The following MST1 variants were observed in gnomAD, a reference collection of about 807,000 sequenced individuals.
The protein encoded by MST1 is hepatocyte growth factor-like protein.
A neutral mutation model predicts 100.1 loss-of-function variants in MST1; 76 were observed. The ratio of observed to expected loss-of-function variants is 0.76; its 90% CI spans 0.63 to 0.92. The LOEUF (loss-of-function observed/expected upper bound fraction) is 0.92. MST1 is among the 40% of genes least tolerant of loss of function. The pLI is 0.00. For missense variants in MST1, 850 were observed against 990.0 expected (o/e 0.86, Z 1.90); for synonymous variants, 352 against 385.4 (o/e 0.91, Z 1.01).
In MST1 at chr3:49,688,035, G is replaced by A. The variant is rs148678579; in HGVS notation, c.95-138C>T. The A allele has an allele frequency of 1.1e-3, 1,498 of 1,303,068 alleles. 17 individuals are homozygous for A. The African/African-American group carries it at 0.016, about 14-fold the overall frequency. The allele number at this position is 1,303,068 out of a possible 1,614,324, so 80.7% of individuals were successfully genotyped here. A position where few individuals can be genotyped will look rare whatever the true frequency, so the allele number is the denominator to read the frequency against. Reference sequence around the variant, plus strand: ...ATGGACCCTGTATGCACTTTCAAGGGCCAGTCTAGCCCCCTGCACAGATAC... The same window carrying A: ...ATGGACCCTGTATGCACTTTCAAGGACCAGTCTAGCCCCCTGCACAGATAC... On this transcript the variant is annotated intron_variant, in intron 1 of 17. Transcript: ENST00000449682.
chr3:49,684,968 G>A (rs1468924214), intron 14 of MST1, 44 bp downstream of exon 14: 2 of 1,613,176 alleles, frequency 1.2e-6, no homozygotes, highest in East Asian at 2.2e-5. Context: ...GGGGAAGGGG[G>A]AAGGTGGGAT....
intron 13 of MST1, 86 bp from the exon 14 acceptor site, chr3:49,685,175 A>G (rs2053602520): frequency 1.3e-6 from 2 of 1,598,470 alleles, no homozygotes; most frequent in Non-Finnish European, 1.7e-6. Context: ...CTCTGGGGGC[A>G]GGGATAGATT....
rs1389662736 is a variant in MST1, at chr3:49,684,342, C to T, written c.1988G>A (p.Gly663Glu). The change falls in exon 17 of 18, where the codon GGA becomes GAA. Residue 663 changes from glycine (G) to glutamate (E), a missense_variant. Gly to Glu is a moderately conservative substitution (Grantham distance 98, BLOSUM62 -2). Around this residue, in one of 2 missense-constraint regions of MST1, gnomAD observed 816 missense variants for 924.6 expected, o/e 0.88. Coordinates refer to ENST00000449682, the MANE Select transcript of MST1 (RefSeq NM_020998.4). ...RVRESEMCTE[G>E]LLAPVGACEG... ...ACAGGCCCCCACAGGGGCCAACAGTCCCTCAGTGCACATCTCACTCTCCCG... is the reference window on the plus strand; with the variant it reads ...ACAGGCCCCCACAGGGGCCAACAGTTCCTCAGTGCACATCTCACTCTCCCG... 3.1e-6 allele frequency: 5 copies of T among 1,613,220 alleles called. No individual in the cohort carries two copies. Among genetic ancestry groups the T allele is most frequent in the Non-Finnish European group, 4.2e-6 (5 of 1,179,860 alleles).
Position 49,685,352 on chromosome 3 carries a change from C to G in MST1, c.1454G>C (p.Arg485Thr). The part of the protein sequence containing the change: ...DQVQFEKCGK[R>T]VDRLDQRRSK... ...ACGCCGCTGATCCAGCCGATCCACC[C>G]TCTTGCCACACTTCTCAAACTGCAC... is the stretch of plus-strand genomic sequence containing the variant. Residue 485 changes from arginine to threonine, a missense_variant, in exon 13 of 18, where the codon AGG (arginine) becomes ACG (threonine). By Grantham distance (71) the Arg-to-Thr change is moderately conservative. Coordinates refer to ENST00000449682, the MANE Select transcript of MST1 (RefSeq NM_020998.4). 2 of 1,613,694 alleles carry G rather than the reference C, an allele frequency of 1.2e-6. No individual in the cohort carries two copies. The highest frequency in any genetic ancestry group is 1.1e-5 in the South Asian group (1 of 91,078).
In MST1 at chr3:49,685,615, G is replaced by A. The variant is rs371628711; in HGVS notation, c.1368C>T (p.Tyr456=). The A allele has an allele frequency of 5.1e-5, 83 of 1,613,314 alleles. No individual in the cohort carries two copies. The highest frequency in any genetic ancestry group is 6.6e-5 in the Non-Finnish European group (78 of 1,179,864). Residue 456 remains tyrosine, a synonymous_variant, in exon 11 of 18, where the codon TAC becomes TAT. Transcript: ENST00000449682. ...YTMDPRTPFD[Y]CALRRCADDQ... ...GCTCACCGCAGCGTCGCAGGGCACAGTAGTCGAATGGGGTCCTTGGGTCCA... is the reference window on the plus strand; with the variant it reads ...GCTCACCGCAGCGTCGCAGGGCACAATAGTCGAATGGGGTCCTTGGGTCCA...
intron 1 of MST1, 60 bp from the exon 2 acceptor site, chr3:49,687,957 T>C: frequency 2.6e-6 from 4 of 1,540,306 alleles, no homozygotes; most frequent in Non-Finnish European, 3.5e-6. Flanking sequence ...TAATGTGTAT[T>C]GGCATGTCCA....
rs1238008256 is a variant in MST1 at position 49,686,204 on chromosome 3, C to T, written c.1017-12G>A. 1.2e-6 allele frequency: 2 copies of T among 1,610,846 alleles called. No individual in the cohort carries two copies. Among genetic ancestry groups the T allele is most frequent in the Non-Finnish European group, 1.7e-6 (2 of 1,179,340 alleles). ...TCTCCCGAAGGTCTCTAAGCAGGCG[C>T]TCCACTCAGCCCTAGCCCGCCAGCC... is the stretch of plus-strand genomic sequence containing the variant. On this transcript the variant is annotated splice_polypyrimidine_tract_variant and intron_variant, in intron 8 of 17. Coordinates refer to ENST00000449682, the MANE Select transcript of MST1 (RefSeq NM_020998.4).
rs754473083 is a variant in MST1, at chr3:49,685,259, C to T, written c.1544+3G>A. On this transcript the variant is annotated splice_donor_region_variant and intron_variant, in intron 13 of 17. Transcript: ENST00000449682. Reference sequence around the variant, plus strand: ...CTGTGGGAGACAGGCAGTTGTGCCTCACCGATTCCGCAAGCTGACTGTCCA... The same window carrying T: ...CTGTGGGAGACAGGCAGTTGTGCCTTACCGATTCCGCAAGCTGACTGTCCA... The T allele has an allele frequency of 6.8e-6, 11 of 1,613,174 alleles. No individual in the cohort carries two copies. In the Admixed American group the frequency reaches 1.8e-4, roughly 27 times the overall value.
At position 49,686,355 on chromosome 3, in the gene MST1, A is replaced by G; in HGVS notation, c.974T>C (p.Ile325Thr). The G allele has an allele frequency of 6.9e-7, 1 of 1,459,066 alleles. No individual in the cohort carries two copies. Among genetic ancestry groups the G allele is most frequent in the Non-Finnish European group, 9.2e-7 (1 of 1,092,290 alleles). 90.4% of individuals were successfully genotyped at this position (1,459,066 alleles called of 1,614,324 possible). A position where few individuals can be genotyped will look rare whatever the true frequency, so the allele number is the denominator to read the frequency against. Residue 325 changes from isoleucine (I) to threonine (T), a missense_variant, in exon 8 of 18, where the codon ATC becomes ACC. By Grantham distance (89) the Ile-to-Thr change is moderately conservative (BLOSUM62 -1). Coordinates refer to ENST00000449682, the MANE Select transcript of MST1 (RefSeq NM_020998.4). ...TGGCGTAAATCGGTGCTGATGCGGG[A>G]TTTGCGCGTCCCAACGCTGGCAAGG... ...GVPCQRWDAQIPHQHRFTPEK... is the reference protein window; with the variant it reads ...GVPCQRWDAQTPHQHRFTPEK...
chr3:49,688,261 G>C (rs2053964567), intron 1 of MST1: 3 of 467,456 alleles, frequency 6.4e-6, no homozygotes, highest in Non-Finnish European at 1.2e-5. Flanking sequence ...AGGGGCCCTG[G>C]CTAGGCATTC....
rs146810128 is a variant in MST1 at position 49,685,642 on chromosome 3, C to T, written c.1341G>A (p.Thr447=). The T allele has an allele frequency of 2.0e-5, 33 of 1,613,288 alleles. No homozygotes were observed. Among genetic ancestry groups the T allele is most frequent in the African/African-American group, 1.2e-4 (9 of 74,918 alleles). ...AGTCGAATGGGGTCCTTGGGTCCAT[C>T]GTGTAGCACCAGGGCCCATGGCTAT... ...DGDSHGPWCY[T]MDPRTPFDYC... Residue 447 remains threonine, a synonymous_variant, in exon 11 of 18, where the codon ACG becomes ACA. Coordinates refer to ENST00000449682, the MANE Select transcript of MST1 (RefSeq NM_020998.4).
chr3:49,686,542 A>C, intron 7 of MST1, 61 bp from the exon 8 acceptor site: 1 of 1,593,914 alleles, frequency 6.3e-7, no homozygotes, highest in Non-Finnish European at 8.5e-7. Flanking sequence ...TGGGGCTGGG[A>C]CCAAACCCGC....
chr3:49,688,837 C>T lies in MST1; in HGVS notation c.-146G>A, dbSNP rs2054028498. The stretch of plus-strand genomic sequence containing the variant: ...AGGTCCCATAGGTCAGTTGCAAGGG[C>T]CTAGTACAGCTTAGTGGACAGGTGT... On this transcript the variant is annotated 5_prime_UTR_variant, in exon 1 of 18. Coordinates refer to ENST00000449682, the MANE Select transcript of MST1 (RefSeq NM_020998.4). 1 of 606,272 alleles carries T rather than the reference C, an allele frequency of 1.6e-6. No homozygotes were observed. The highest frequency in any genetic ancestry group is 2.9e-6 in the Non-Finnish European group (1 of 340,362). The allele number at this position is 606,272 out of a possible 1,614,324, so 37.6% of individuals were successfully genotyped here.
At position 49,685,597 on chromosome 3, in the gene MST1, G is replaced by A. The variant is rs746651670; in HGVS notation, c.1386C>T (p.Cys462=). Residue 462 remains cysteine, a splice_region_variant and synonymous_variant, in exon 11 of 18, where the codon TGC becomes TGT. Coordinates refer to ENST00000449682, the MANE Select transcript of MST1 (RefSeq NM_020998.4). ...GGGGGAAGCGTCACTAGTGCTCACC[G>A]CAGCGTCGCAGGGCACAGTAGTCGA... ...TPFDYCALRR[C]ADDQPPSILD... 4.3e-6 allele frequency: 7 copies of A among 1,613,364 alleles called. No homozygotes were observed. The South Asian group carries it at 4.4e-5, about 10-fold the overall frequency.
At position 49,684,027 on chromosome 3, in the gene MST1, C is replaced by A. The variant is rs2053476690; in HGVS notation, c.*1G>T. On this transcript the variant is annotated 3_prime_UTR_variant, in exon 18 of 18. Transcript: ENST00000449682. Reference sequence around the variant, plus strand: ...CAAGGCATATGGCATCAAGGCTGGGCCTAACCCAGTCTCATGACCTTGTGA... The same window carrying A: ...CAAGGCATATGGCATCAAGGCTGGGACTAACCCAGTCTCATGACCTTGTGA... 1 of 1,612,356 alleles carries A rather than the reference C, an allele frequency of 6.2e-7. No homozygotes were observed. Among genetic ancestry groups the A allele is most frequent in the Non-Finnish European group, 8.5e-7 (1 of 1,179,290 alleles).
chr3:49,684,483 G>A (rs764625105), intron 16 of MST1, 30 bp from the exon 17 acceptor site: 10 of 1,613,398 alleles, frequency 6.2e-6, no homozygotes, highest in African/African-American at 4.0e-5. Context: ...GAGAGGGAGA[G>A]GGTCCTGCAG....
rs2087731 is a variant in MST1 at position 49,686,254 on chromosome 3, T to C, written c.1016+59A>G. ...CTCCAGCCTTGAGCCCGTGACTACC[T>C]TCCTCCCGTCTCACCCGCAGCAGCA... On this transcript the variant is annotated intron_variant, in intron 8 of 17. Coordinates refer to ENST00000449682, the MANE Select transcript of MST1 (RefSeq NM_020998.4). 210 of 1,587,732 alleles carry C rather than the reference T, an allele frequency of 1.3e-4. 1 individual carries two copies. The African/African-American group carries it at 2.7e-3, about 20-fold the overall frequency.
In MST1 at chr3:49,687,306, T is replaced by A. The variant is rs1440113029; in HGVS notation, c.471-21A>T. 5 of 1,613,434 alleles carry A rather than the reference T, an allele frequency of 3.1e-6. No individual in the cohort carries two copies. In the Admixed American group the frequency reaches 8.3e-5, roughly 27 times the overall value. On this transcript the variant is annotated intron_variant, in intron 4 of 17. Coordinates refer to ENST00000449682, the MANE Select transcript of MST1 (RefSeq NM_020998.4). The stretch of plus-strand genomic sequence containing the variant: ...TGTACCTGAGGGCCCAGAGCATCAC[T>A]ATAGTGTGTGCTGGGGGAAGGCCCC...
Position 49,685,862 on chromosome 3 carries a change from C to T in MST1, c.1248G>A (p.Pro416=), listed in dbSNP as rs778558082. 3.0e-5 allele frequency: 48 copies of T among 1,609,770 alleles called. No homozygotes were observed. The East Asian group carries it at 1.0e-3, about 34-fold the overall frequency. Residue 416 remains proline (P), a splice_region_variant and synonymous_variant, in exon 10 of 18, where the codon CCG becomes CCA. Transcript: ENST00000449682. ...QRWSAETPHK[P]QFTFTSEPHA... is the part of the protein sequence containing the mutation. ...GGCCGGGAGCACCAGGGACTCACTGCGGCTTGTGCGGCGTCTCAGCGGACC... is the reference window on the plus strand; with the variant it reads ...GGCCGGGAGCACCAGGGACTCACTGTGGCTTGTGCGGCGTCTCAGCGGACC...
Sources: allele counts gnomAD v4.1 joint callset, GRCh38; gene constraint gnomAD v4.1.1; regional missense constraint gnomAD v4.1.1; transcripts MANE v1.5; gene names NCBI Gene and HGNC (gene_info 2026-07-23, HGNC 2026-07-21).